Variants in CARMIL1 observed in about 807,000 individuals in gnomAD.
CARMIL1 encodes the protein F-actin-uncapping protein LRRC16A.
Under a neutral mutation model 177.1 loss-of-function variants are expected in CARMIL1, and 90 were observed. The observed-to-expected ratio is 0.51, with a 90% CI of 0.43 to 0.61. The LOEUF is 0.61. CARMIL1 is among the 20% of genes least tolerant of loss of function. The pLI, the probability that CARMIL1 is intolerant of heterozygous loss-of-function variation, is 0.00. For synonymous variants in CARMIL1, 577 were observed against 606.2 expected (o/e 0.95, Z 0.71); for missense variants, 1,380 against 1,667.0 (o/e 0.83, Z 3.00).
intron 2 of CARMIL1, among the ~76,000 whole-genome samples, chr6:25,337,911 CT>C (rs1193433469): frequency 6.6e-6 from 1 of 152,098 alleles, no homozygotes; most frequent in Non-Finnish European, 1.5e-5. Context: ...GCATGGTGGG[CT>C]CACTCCTGTA....
At chr6:25,518,477 T>C (rs1806230571) in intron 22 of CARMIL1, among the ~76,000 whole-genome samples, 1 of 152,156 alleles carries the variant, frequency 6.6e-6, no homozygotes, top group African/African-American at 2.4e-5. Flanking sequence ...CTCAGCCCCT[T>C]CTCTGTGCTG....
chr6:25,313,477 G>A (rs1784005773), intron 2 of CARMIL1, among the ~76,000 whole-genome samples: 1 of 151,994 alleles, frequency 6.6e-6, no homozygotes. Flanking sequence ...GGTCCTATAA[G>A]GCTGCAGATA....
At chr6:25,465,970 A>C in intron 9 of CARMIL1, 22 bp downstream of exon 9, 1 of 1,559,538 alleles carries the variant, frequency 6.4e-7, no homozygotes, top group Non-Finnish European at 8.8e-7. Flanking sequence ...AACATGCAGC[A>C]AATGTTGCTT....
chr6:25,454,163 G>C (rs556631811), intron 8 of CARMIL1, among the ~76,000 whole-genome samples: 22 of 152,270 alleles, frequency 1.4e-4, no homozygotes, highest in Non-Finnish European at 2.4e-4. Flanking sequence ...GAATTAGTGG[G>C]GTAGACCCAA....
rs752975838 is a variant in CARMIL1 at position 25,509,671 on chromosome 6, G to A, written c.1411G>A (p.Ala471Thr). Residue 471 changes from alanine to threonine, a missense_variant, in exon 18 of 37, where the codon GCT (alanine) becomes ACT (threonine). By Grantham distance (58) the Ala-to-Thr change is moderately conservative. Coordinates refer to ENST00000329474, the MANE Select transcript of CARMIL1 (RefSeq NM_017640.6). The surrounding 1 kb of genome is among the most constrained non-coding windows in gnomAD (Gnocchi z 4.1). The stretch of plus-strand genomic sequence containing the variant: ...GTTTCTCTAGCTGAGATCAGGAGGT[G>A]CTCAAGTATTAGAAGGTTGCATTGC... ...LSNCELRSGG[A>T]QVLEGCIAEI... 5.6e-6 allele frequency: 9 copies of A among 1,602,714 alleles called. No homozygotes were observed. The highest frequency in any genetic ancestry group is 2.3e-5 in the South Asian group (2 of 88,566).
chr6:25,384,432 G>T (rs1581753824), intron 2 of CARMIL1, among the ~76,000 whole-genome samples: 1 of 152,320 alleles, frequency 6.6e-6, no homozygotes, highest in Non-Finnish European at 1.5e-5. Flanking sequence ...TGTAGTATCA[G>T]CCACGTGTAC....
At chr6:25,300,421 G>A (rs114836118) in intron 2 of CARMIL1, among the ~76,000 whole-genome samples, 2 of 152,114 alleles carry the variant, frequency 1.3e-5, no homozygotes, top group Non-Finnish European at 2.9e-5. Flanking sequence ...AATCCCAGCA[G>A]TTTGGAAGGC....
chr6:25,487,644 G>A (rs1802795371), intron 12 of CARMIL1, among the ~76,000 whole-genome samples: 2 of 152,190 alleles, frequency 1.3e-5, no homozygotes, highest in Admixed American at 1.3e-4. Flanking sequence ...GTCTCAGTGA[G>A]TGATTAGACC....
chr6:25,411,190 T>TG (rs1794873042), intron 2 of CARMIL1, among the ~76,000 whole-genome samples: 1 of 152,202 alleles, frequency 6.6e-6, no homozygotes, highest in African/African-American at 2.4e-5. Flanking sequence ...ACACATGCCC[T>TG]ATGCAGACCT....
intron 2 of CARMIL1, among the ~76,000 whole-genome samples, chr6:25,392,728 T>TA (rs1208473398): frequency 1.8e-4 from 27 of 152,314 alleles, no homozygotes; most frequent in African/African-American, 6.0e-4. Flanking sequence ...GTGTAGGAAA[T>TA]ATATTGATTT....
intron 2 of CARMIL1, among the ~76,000 whole-genome samples, chr6:25,408,108 A>G (rs936779852): frequency 6.6e-6 from 1 of 151,972 alleles, no homozygotes; most frequent in Non-Finnish European, 1.5e-5. Context: ...CAGCCTGGGC[A>G]ACATAGACGT....
chr6:25,471,029 G>A lies in CARMIL1; in HGVS notation c.691-140G>A, dbSNP rs535226913. On this transcript the variant is annotated intron_variant, in intron 9 of 36. Coordinates refer to ENST00000329474, the MANE Select transcript of CARMIL1 (RefSeq NM_017640.6). The stretch of plus-strand genomic sequence containing the variant: ...TCCAGGATCTTCATCACGATGGTGC[G>A]TAGTAGTAGATGCTCATTCAAGGTT... 270 of 515,326 alleles carry A rather than the reference G, an allele frequency of 5.2e-4. 1 individual carries two copies. The highest frequency in any genetic ancestry group is 3.2e-3 in the Admixed American group (84 of 26,612). The allele number at this position is 515,326 out of a possible 1,614,324, so 31.9% of individuals were successfully genotyped here. A position where few individuals can be genotyped will look rare whatever the true frequency, so the allele number is the denominator to read the frequency against.
chr6:25,451,290 C>T (rs1313624578), intron 8 of CARMIL1, among the ~76,000 whole-genome samples: 1 of 152,030 alleles, frequency 6.6e-6, no homozygotes, highest in African/African-American at 2.4e-5. Context: ...CTACAAAAGT[C>T]TGTCTATTCT....
chr6:25,614,453 A>G (rs2151345683), intron 36 of CARMIL1, among the ~76,000 whole-genome samples: 1 of 152,348 alleles, frequency 6.6e-6, no homozygotes, highest in South Asian at 2.1e-4. Context: ...AGTTTCTCTC[A>G]TATGGCCAAG....
chr6:25,461,459 G>A (rs1800112155), intron 8 of CARMIL1, among the ~76,000 whole-genome samples: 1 of 152,162 alleles, frequency 6.6e-6, no homozygotes, highest in African/African-American at 2.4e-5. Flanking sequence ...CTTGATGCTG[G>A]CTGGCTGCTG....
At chr6:25,501,615 T>C (rs1168514748) in intron 17 of CARMIL1, among the ~76,000 whole-genome samples, 1 of 152,244 alleles carries the variant, frequency 6.6e-6, no homozygotes, top group African/African-American at 2.4e-5. Context: ...TGATCTTTTC[T>C]AATTGTCTAG....
At chr6:25,286,594 A>G (rs190559487) in intron 2 of CARMIL1, among the ~76,000 whole-genome samples, 1 of 152,300 alleles carries the variant, frequency 6.6e-6, no homozygotes, top group Non-Finnish European at 1.5e-5. Context: ...GAGAAGAAAT[A>G]TTGTTTCTGT....
intron 23 of CARMIL1, chr6:25,527,623 G>T (rs982705843): frequency 7.5e-6 from 3 of 402,228 alleles, no homozygotes; most frequent in African/African-American, 4.2e-5. Context: ...AGCAGCAAGA[G>T]AAAGTAATGT....
At chr6:25,611,382 C>A (rs1816491526) in intron 36 of CARMIL1, among the ~76,000 whole-genome samples, 1 of 152,142 alleles carries the variant, frequency 6.6e-6, no homozygotes, top group South Asian at 2.1e-4. Flanking sequence ...ATAACTGAAG[C>A]CTTTGGAAGA....
Sources: gnomAD v4.1 joint callset for allele counts (sites outside exome capture counted in the v4.1 genomes callset) on GRCh38, gnomAD v4.1.1 for gene constraint, Gnocchi (gnomAD v3.1) non-coding constraint, MANE v1.5 for transcripts, NCBI Gene and HGNC (gene_info 2026-07-23, HGNC 2026-07-21) for gene names.